CAMK4: variants seen among roughly 807,000 people sequenced by gnomAD.
CAMK4 encodes calcium/calmodulin-dependent protein kinase type IV.
Under a neutral mutation model 44.9 loss-of-function variants are expected in CAMK4, and 22 were observed. The observed-to-expected ratio is 0.49, with a 90% confidence interval of 0.35 to 0.70. The LOEUF is 0.70. Among genes scored for constraint, CAMK4 ranks in the 30% least tolerant of loss-of-function variants. The pLI is 0.01. For synonymous variants in CAMK4, 218 were observed against 215.4 expected (o/e 1.01, Z -0.11); for missense variants, 498 against 586.8 (o/e 0.85, Z 1.56).
At chr5:111,412,579 T>C (rs1401316436) in intron 5 of CAMK4, among the ~76,000 whole-genome samples, 1 of 152,208 alleles carries the variant, frequency 6.6e-6, no homozygotes, top group Non-Finnish European at 1.5e-5. Flanking sequence ...TTGTAATCCA[T>C]GAATTCTACA....
intron 1 of CAMK4, among the ~76,000 whole-genome samples, chr5:111,232,886 G>A (rs56197011): frequency 6.6e-6 from 1 of 152,200 alleles, no homozygotes; most frequent in South Asian, 2.1e-4. Flanking sequence ...GAGACAGTAA[G>A]TATTTTAGGC....
At chr5:111,414,414 A>G (rs2112902095) in intron 5 of CAMK4, among the ~76,000 whole-genome samples, 1 of 152,280 alleles carries the variant, frequency 6.6e-6, no homozygotes, top group South Asian at 2.1e-4. Flanking sequence ...AACAGCAGCA[A>G]CAACACCATC....
At chr5:111,297,385 T>A (rs1233464140) in intron 1 of CAMK4, among the ~76,000 whole-genome samples, 15 of 152,156 alleles carry the variant, frequency 9.9e-5, no homozygotes, top group Non-Finnish European at 2.9e-5. Flanking sequence ...TGTGGAAAAT[T>A]AGCTCACTGC....
intron 5 of CAMK4, among the ~76,000 whole-genome samples, chr5:111,403,356 A>G (rs1184275139): frequency 6.6e-6 from 1 of 152,156 alleles, no homozygotes; most frequent in Non-Finnish European, 1.5e-5. Context: ...AGAAAATGCA[A>G]GTTTTTTTGT....
chr5:111,342,938 C>G (rs449987), intron 1 of CAMK4, among the ~76,000 whole-genome samples: 132,349 of 151,506 alleles, frequency 0.87, 58,060 homozygotes, highest in East Asian at 1. Flanking sequence ...TTTACACATG[C>G]TAGAAACACA....
At chr5:111,476,724 C>T (rs182706277) in intron 8 of CAMK4, among the ~76,000 whole-genome samples, 162 of 152,286 alleles carry the variant, frequency 1.1e-3, no homozygotes, top group African/African-American at 3.8e-3. Flanking sequence ...TATACCTAAA[C>T]CCTCTTCCCC....
intron 5 of CAMK4, among the ~76,000 whole-genome samples, chr5:111,415,873 A>G (rs1165100195): frequency 1.3e-5 from 2 of 152,218 alleles, no homozygotes; most frequent in South Asian, 2.1e-4. Flanking sequence ...TATAACAACT[A>G]TTTACATAGC....
At chr5:111,377,121 A>G (rs1475472745) in intron 4 of CAMK4, among the ~76,000 whole-genome samples, 179 bp downstream of exon 4, 1 of 152,170 alleles carries the variant, frequency 6.6e-6, no homozygotes. Flanking sequence ...AGATGTAGGT[A>G]CATGAAAACT....
chr5:111,438,215 C>A (rs1018768377), intron 5 of CAMK4, among the ~76,000 whole-genome samples: 1 of 152,096 alleles, frequency 6.6e-6, no homozygotes, highest in Non-Finnish European at 1.5e-5. Flanking sequence ...AACGTGCCCA[C>A]AAGATATCCA....
At chr5:111,242,091 C>T (rs1351536828) in intron 1 of CAMK4, among the ~76,000 whole-genome samples, 2 of 152,196 alleles carry the variant, frequency 1.3e-5, no homozygotes. Context: ...CACTCACCCC[C>T]AAACAACAGC....
At chr5:111,251,556 C>G (rs1288903619) in intron 1 of CAMK4, among the ~76,000 whole-genome samples, 1 of 152,194 alleles carries the variant, frequency 6.6e-6, no homozygotes, top group Non-Finnish European at 1.5e-5. Flanking sequence ...CAGTTACAGC[C>G]TTATCTTCAT....
chr5:111,292,721 A>G (rs923303870), intron 1 of CAMK4, among the ~76,000 whole-genome samples: 3 of 152,108 alleles, frequency 2.0e-5, no homozygotes, highest in Admixed American at 6.5e-5. Flanking sequence ...CAGGAGTTCG[A>G]GACCAGCCTG....
intron 4 of CAMK4, among the ~76,000 whole-genome samples, chr5:111,383,672 C>T (rs1205555788): frequency 2.2e-5 from 3 of 138,748 alleles, no homozygotes; most frequent in Non-Finnish European, 3.1e-5. Context: ...TCACCATGTT[C>T]GCCAGGATGG....
At chr5:111,404,827 A>T (rs566201210) in intron 5 of CAMK4, among the ~76,000 whole-genome samples, 24 of 152,144 alleles carry the variant, frequency 1.6e-4, no homozygotes, top group Non-Finnish European at 3.1e-4. Flanking sequence ...GGGACTTACT[A>T]TGTTATTCTT....
chr5:111,262,993 G>A (rs1750055125), intron 1 of CAMK4, among the ~76,000 whole-genome samples: 1 of 152,172 alleles, frequency 6.6e-6, no homozygotes. Context: ...AACATATAAA[G>A]TGATAATTTA....
intron 9 of CAMK4, 33 bp downstream of exon 9, chr5:111,478,540 GA>G: frequency 7.9e-7 from 1 of 1,261,582 alleles, no homozygotes. Context: ...GAAACAAAAT[GA>G]AATAAATTTA....
At chr5:111,366,773 G>A (rs894657973) in intron 2 of CAMK4, among the ~76,000 whole-genome samples, 18 of 151,842 alleles carry the variant, frequency 1.2e-4, no homozygotes, top group African/African-American at 4.4e-4. Flanking sequence ...GGAAAATTGG[G>A]ATTTCTTTCA....
At chr5:111,228,509 G>GGGGTGTGTGTGTGTGTGT (rs1554053042) in intron 1 of CAMK4, among the ~76,000 whole-genome samples, 1 of 145,254 alleles carries the variant, frequency 6.9e-6, no homozygotes, top group South Asian at 2.2e-4. Context: ...CATAGTAAGG[G>GGGGTGTGTGTGTGTGTGT]GTGTGTGTGT....
chr5:111,484,705 A>G lies in CAMK4; in HGVS notation c.*239A>G. ...ACCGATGAGTTAAATCTTGCAAGTT[A>G]ACACAACGTAACACTTAAAAGCATA... On this transcript the variant is annotated 3_prime_UTR_variant, in exon 11 of 11. Transcript: ENST00000282356. This position sits in a 1 kb window ranked among gnomAD's most constrained non-coding sequence, Gnocchi z 5.3. 5.8e-6 allele frequency: 2 copies of G among 345,754 alleles called. No homozygotes were observed. Among genetic ancestry groups the G allele is most frequent in the Non-Finnish European group, 1.0e-5 (2 of 193,172 alleles). The allele number at this position is 345,754 out of a possible 1,614,324, so 21.4% of individuals were successfully genotyped here. A position where few individuals can be genotyped will look rare whatever the true frequency, so the allele number is the denominator to read the frequency against.
Sources: gnomAD v4.1 joint callset for allele counts (sites outside exome capture counted in the v4.1 genomes callset) on GRCh38, gnomAD v4.1.1 for gene constraint, Gnocchi (gnomAD v3.1) non-coding constraint, MANE v1.5 for transcripts, NCBI Gene and HGNC (gene_info 2026-07-23, HGNC 2026-07-21) for gene names.